The following USP25 variants were observed in gnomAD, a reference collection of about 807,000 sequenced individuals.
The protein encoded by USP25 is ubiquitin carboxyl-terminal hydrolase 25.
Under a neutral mutation model 158.5 loss-of-function variants are expected in USP25, and 85 were observed. That is an observed-to-expected ratio of 0.54 (90% CI 0.45 to 0.64). USP25 has a LOEUF of 0.64. Ranked by LOEUF, USP25 falls within the 30% of genes least tolerant of loss-of-function variation. The pLI, the probability that USP25 is intolerant of heterozygous loss-of-function variation, is 0.00. For missense variants in USP25, 1,242 were observed against 1,327.3 expected (o/e 0.94, Z 1.00); for synonymous variants, 464 against 460.4 (o/e 1.01, Z -0.10).
In USP25 at chr21:15,818,740, T is replaced by G. The variant is rs1346289608; in HGVS notation, c.974T>G (p.Leu325Arg). ...ENTEMFGQYP[L>R]QVNGFKDLHE... is the part of the protein sequence containing the mutation. The stretch of plus-strand genomic sequence containing the variant: ...ACTGAAATGTTTGGTCAGTACCCAC[T>G]TCAGGTCAATGGGTTCAAAGATCTG... Residue 325 changes from leucine (L) to arginine (R), a missense_variant, in exon 10 of 26, where the codon CTT (leucine) becomes CGT (arginine). This residue lies in a region of USP25 where 627 missense variants were observed against 701.4 expected (regional missense o/e 0.89). Coordinates refer to ENST00000400183, the MANE Select transcript of USP25 (RefSeq NM_001283041.3). 6.2e-7 allele frequency: 1 copy of G among 1,613,686 alleles called. No individual in the cohort carries two copies. Among genetic ancestry groups the G allele is most frequent in the Admixed American group, 1.7e-5 (1 of 60,014 alleles).
intron 20 of USP25, among the ~76,000 whole-genome samples, chr21:15,863,192 T>A (rs1328823234): frequency 6.6e-6 from 1 of 152,044 alleles, no homozygotes; most frequent in Non-Finnish European, 1.5e-5. Flanking sequence ...TTCTATATGG[T>A]CAGATATTTT....
At chr21:15,744,561 G>A (rs571577692) in intron 1 of USP25, among the ~76,000 whole-genome samples, 2 of 151,174 alleles carry the variant, frequency 1.3e-5, no homozygotes, top group South Asian at 2.1e-4. Context: ...TGATCTTCCT[G>A]TCTCGGCCTC....
intron 4 of USP25, 147 bp from the exon 5 acceptor site, chr21:15,791,355 C>CTTTA (rs1250399440): frequency 7.0e-6 from 6 of 860,312 alleles, no homozygotes; most frequent in Non-Finnish European, 9.6e-6. Context: ...ACTGCTAAAA[C>CTTTA]GTGTATTTGA....
chr21:15,730,239 G>C lies in USP25; in HGVS notation c.-155G>C. The C allele has an allele frequency of 2.4e-6, 2 of 827,854 alleles. No homozygotes were observed. Among genetic ancestry groups the C allele is most frequent in the Non-Finnish European group, 2.9e-6 (2 of 687,288 alleles). 51.3% of individuals were successfully genotyped at this position (827,854 alleles called of 1,614,324 possible). On this transcript the variant is annotated 5_prime_UTR_variant, in exon 1 of 26. Coordinates refer to ENST00000400183, the MANE Select transcript of USP25 (RefSeq NM_001283041.3). ...CTGCCCGCGGTGCCCGCGCACGCCG[G>C]CCGCCATCGCCTTCGCGCCTGGCTG...
chr21:15,856,996 G>T (rs1429946250), intron 20 of USP25, among the ~76,000 whole-genome samples: 1 of 152,146 alleles, frequency 6.6e-6, no homozygotes, highest in Non-Finnish European at 1.5e-5. Flanking sequence ...CAGTATGTCA[G>T]CACACTGATA....
intron 8 of USP25, among the ~76,000 whole-genome samples, chr21:15,809,512 A>G (rs974049252): frequency 2.0e-5 from 3 of 152,158 alleles, no homozygotes; most frequent in African/African-American, 7.2e-5. Flanking sequence ...AGGGTTGGCA[A>G]GGATGTGGAG....
In USP25 at chr21:15,774,280, G is replaced by T. The variant is rs918448495; in HGVS notation, c.269-3624G>T. 2.0e-5 allele frequency among the ~76,000 whole-genome samples: 3 copies of T among 152,112 alleles called. No individual in the cohort carries two copies. In the South Asian group the frequency reaches 6.2e-4, roughly 32 times the overall value. On this transcript the variant is annotated intron_variant, in intron 3 of 25. Coordinates refer to ENST00000400183, the MANE Select transcript of USP25 (RefSeq NM_001283041.3). The stretch of plus-strand genomic sequence containing the variant: ...ACACTGTGCATTGGTAATTTGAAAA[G>T]ATTTCTTTTTAAATGCTTGAAGAAT...
At chr21:15,756,106 GA>G (rs1465295244) in intron 1 of USP25, among the ~76,000 whole-genome samples, 1 of 152,134 alleles carries the variant, frequency 6.6e-6, no homozygotes, top group Non-Finnish European at 1.5e-5. Flanking sequence ...AAGAATAGGT[GA>G]AAAGTCTGTC....
At chr21:15,845,498 C>G (rs1379998573) in intron 18 of USP25, among the ~76,000 whole-genome samples, 3 of 152,000 alleles carry the variant, frequency 2.0e-5, no homozygotes, top group Non-Finnish European at 4.4e-5. Context: ...AGTTTCTTCC[C>G]CCTTTCAGCT....
intron 5 of USP25, among the ~76,000 whole-genome samples, chr21:15,794,438 T>A (rs1463861788): frequency 6.6e-6 from 1 of 151,686 alleles, no homozygotes; most frequent in Non-Finnish European, 1.5e-5. Context: ...TTGGTACTTT[T>A]ATGTAGAAAG....
rs776742022 is a variant in USP25, at chr21:15,874,362, G to A, written c.2886-41G>A. Reference sequence around the variant, plus strand: ...TTATAGCTGACTTTGTTTCTACAAAGGTGAAATACTAATGTTATATGTTTC... The same window carrying A: ...TTATAGCTGACTTTGTTTCTACAAAAGTGAAATACTAATGTTATATGTTTC... On this transcript the variant is annotated intron_variant, in intron 23 of 25. Coordinates refer to ENST00000400183, the MANE Select transcript of USP25 (RefSeq NM_001283041.3). 6.5e-6 allele frequency: 10 copies of A among 1,535,432 alleles called. No homozygotes were observed. The African/African-American group carries it at 8.4e-5, about 13-fold the overall frequency.
chr21:15,836,373 C>T (rs1208990664), intron 17 of USP25, among the ~76,000 whole-genome samples: 1 of 152,180 alleles, frequency 6.6e-6, no homozygotes, highest in Non-Finnish European at 1.5e-5. Context: ...CCATTCGTTC[C>T]CTACTGAGAT....
At chr21:15,812,062 C>T (rs16990045) in intron 9 of USP25, among the ~76,000 whole-genome samples, 2,640 of 151,686 alleles carry the variant, frequency 0.017, 65 homozygotes, top group African/African-American at 0.06. Context: ...GTGACATGTT[C>T]GTACGTTTTT....
intron 3 of USP25, among the ~76,000 whole-genome samples, chr21:15,769,233 TTAG>T (rs989888083): frequency 6.6e-6 from 1 of 152,056 alleles, no homozygotes; most frequent in African/African-American, 2.4e-5. Flanking sequence ...TTTTCAATAG[TTAG>T]TAGGACAATT....
intron 20 of USP25, among the ~76,000 whole-genome samples, chr21:15,856,707 G>A (rs1476091398): frequency 6.6e-6 from 1 of 152,126 alleles, no homozygotes; most frequent in Non-Finnish European, 1.5e-5. Context: ...TCCTGACCTC[G>A]TGATCCGCCT....
chr21:15,850,207 TG>T (rs2038821859), intron 20 of USP25, among the ~76,000 whole-genome samples: 1 of 152,094 alleles, frequency 6.6e-6, no homozygotes, highest in South Asian at 2.1e-4. Context: ...TAAATTGCCC[TG>T]GTAATAGTTT....
At chr21:15,740,524 A>G (rs935577377) in intron 1 of USP25, among the ~76,000 whole-genome samples, 1 of 151,406 alleles carries the variant, frequency 6.6e-6, no homozygotes, top group African/African-American at 2.4e-5. Flanking sequence ...TCAGGTGGCT[A>G]GGTGGGATAC....
At position 15,841,402 on chromosome 21, in the gene USP25, A is replaced by G. The variant is rs193137943; in HGVS notation, c.2195-996A>G. 1.5e-4 allele frequency among the ~76,000 whole-genome samples: 23 copies of G among 152,232 alleles called. No homozygotes were observed. The East Asian group carries it at 4.4e-3, about 29-fold the overall frequency. On this transcript the variant is annotated intron_variant, in intron 17 of 25. Transcript: ENST00000400183. Reference sequence around the variant, plus strand: ...ATATCCCCAGAATAATTTTTTAAAAACTGCTATGTTGCCATTATATTATGT... The same window carrying G: ...ATATCCCCAGAATAATTTTTTAAAAGCTGCTATGTTGCCATTATATTATGT...
At chr21:15,833,048 CTTGGCT>C (rs1370387344) in intron 16 of USP25, among the ~76,000 whole-genome samples, 1 of 151,860 alleles carries the variant, frequency 6.6e-6, no homozygotes, top group African/African-American at 2.4e-5. Context: ...CAACAAAAAA[CTTGGCT>C]TTGGCTTTGT....
Sources: gnomAD v4.1 joint callset for allele counts (sites outside exome capture counted in the v4.1 genomes callset) on GRCh38, gnomAD v4.1.1 for gene constraint, gnomAD v4.1.1 regional missense constraint, MANE v1.5 for transcripts, NCBI Gene and HGNC (gene_info 2026-07-23, HGNC 2026-07-21) for gene names.